JAM3: variants seen among roughly 807,000 people sequenced by gnomAD.
JAM3 encodes junctional adhesion molecule 3.
In JAM3, 31 loss-of-function variants were observed where a neutral mutation model predicts 39.4. The observed-to-expected ratio is 0.79, with a 90% CI of 0.59 to 1.06. JAM3 has a LOEUF of 1.06. JAM3 is among the 50% of genes least tolerant of loss of function. JAM3 has a pLI of 0.00. For synonymous variants in JAM3, 182 were observed against 148.7 expected (o/e 1.22, Z -1.63); for missense variants, 455 against 391.4 (o/e 1.16, Z -1.37).
At chr11:134,123,508 C>T (rs144625295) in intron 1 of JAM3, among the ~76,000 whole-genome samples, 1,532 of 152,228 alleles carry the variant, frequency 0.01, 21 homozygotes, top group African/African-American at 0.035. Flanking sequence ...CCTTAGAGAC[C>T]TATTTTGAAA....
At chr11:134,140,865 C>A (rs1942962058) in intron 3 of JAM3, 95 bp downstream of exon 3, 5 of 1,492,234 alleles carry the variant, frequency 3.4e-6, no homozygotes, top group Non-Finnish European at 4.5e-6. Flanking sequence ...GACTGGTAAC[C>A]TGCATCTGTA....
At chr11:134,135,695 T>G (rs1942852503) in intron 1 of JAM3, among the ~76,000 whole-genome samples, 1 of 151,986 alleles carries the variant, frequency 6.6e-6, no homozygotes, top group African/African-American at 2.4e-5. Flanking sequence ...GATGCCCGGC[T>G]AATAGATTTT....
chr11:134,106,344 A>T (rs1942185762), intron 1 of JAM3, among the ~76,000 whole-genome samples: 2 of 152,062 alleles, frequency 1.3e-5, no homozygotes, highest in African/African-American at 4.8e-5. Context: ...ACAAAAATTA[A>T]TTCAAGATGG....
intron 1 of JAM3, among the ~76,000 whole-genome samples, chr11:134,124,856 C>T (rs1204016588): frequency 2.0e-5 from 3 of 152,238 alleles, no homozygotes; most frequent in African/African-American, 7.2e-5. Context: ...TGCCCTCACA[C>T]TCAGAATCGC....
intron 1 of JAM3, among the ~76,000 whole-genome samples, chr11:134,118,963 A>G (rs1004136976): frequency 7.3e-5 from 10 of 137,060 alleles, no homozygotes; most frequent in Non-Finnish European, 1.2e-4. Context: ...TTTGTGCTCA[A>G]GAAATCTTTT....
At chr11:134,106,037 C>A (rs1942178943) in intron 1 of JAM3, among the ~76,000 whole-genome samples, 1 of 152,146 alleles carries the variant, frequency 6.6e-6, no homozygotes, top group South Asian at 2.1e-4. Context: ...GCCCACATTG[C>A]CAAGTCAATA....
intron 1 of JAM3, among the ~76,000 whole-genome samples, chr11:134,130,670 T>G (rs544070831): frequency 6.6e-6 from 1 of 152,310 alleles, no homozygotes; most frequent in East Asian, 1.9e-4. Context: ...TTTGTGGTAT[T>G]TTTACACACC....
At chr11:134,101,845 T>C (rs1303827868) in intron 1 of JAM3, among the ~76,000 whole-genome samples, 2 of 152,112 alleles carry the variant, frequency 1.3e-5, no homozygotes, top group African/African-American at 2.4e-5. Flanking sequence ...GGTGAGAGGA[T>C]TGCCTGAGGT....
intron 1 of JAM3, among the ~76,000 whole-genome samples, chr11:134,113,809 A>G (rs1157229623): frequency 1.3e-5 from 2 of 152,214 alleles, no homozygotes; most frequent in African/African-American, 2.4e-5. Context: ...AGTCCCACCA[A>G]CAGTGTAAAA....
intron 1 of JAM3, among the ~76,000 whole-genome samples, chr11:134,125,419 G>A (rs1300245860): frequency 2.0e-5 from 3 of 152,078 alleles, no homozygotes; most frequent in African/African-American, 7.2e-5. Flanking sequence ...TTTCCTTTTC[G>A]TACAGATCCT....
intron 1 of JAM3, among the ~76,000 whole-genome samples, chr11:134,088,583 G>A (rs1941785432): frequency 6.6e-6 from 1 of 152,042 alleles, no homozygotes; most frequent in Admixed American, 6.6e-5. Context: ...ATGACAAGAT[G>A]CATTTAAATT....
chr11:134,133,286 C>T (rs527792338), intron 1 of JAM3, among the ~76,000 whole-genome samples: 82 of 152,202 alleles, frequency 5.4e-4, no homozygotes, highest in African/African-American at 1.8e-3. Flanking sequence ...CCTTTTTTGT[C>T]CTTTTCTTGA....
intron 1 of JAM3, among the ~76,000 whole-genome samples, chr11:134,106,415 A>G (rs1942188183): frequency 6.6e-6 from 1 of 152,174 alleles, no homozygotes; most frequent in African/African-American, 2.4e-5. Context: ...CCTAGGCAAT[A>G]CCATTCAGGA....
intron 4 of JAM3, among the ~76,000 whole-genome samples, 157 bp from the exon 5 acceptor site, chr11:134,144,635 C>T (rs1426846363): frequency 6.6e-6 from 1 of 152,132 alleles, no homozygotes; most frequent in African/African-American, 2.4e-5. Flanking sequence ...CAGGATGCAG[C>T]GGTGGCTTGT....
At chr11:134,088,291 A>G (rs1050616594) in intron 1 of JAM3, among the ~76,000 whole-genome samples, 1 of 152,212 alleles carries the variant, frequency 6.6e-6, no homozygotes, top group African/African-American at 2.4e-5. Context: ...ATGATGTATT[A>G]CCCACTTGCT....
At chr11:134,148,462 A>G in intron 6 of JAM3, 85 bp from the exon 7 acceptor site, 1 of 1,592,160 alleles carries the variant, frequency 6.3e-7, no homozygotes, top group East Asian at 2.2e-5. Flanking sequence ...GTTTGGGGTG[A>G]AGGAAGGAGG....
At chr11:134,075,682 C>T (rs1038493152) in intron 1 of JAM3, among the ~76,000 whole-genome samples, 1 of 152,172 alleles carries the variant, frequency 6.6e-6, no homozygotes, top group Non-Finnish European at 1.5e-5. Flanking sequence ...CTGCCTTAGC[C>T]TCCCAAAGTG....
At chr11:134,140,547 T>C in intron 2 of JAM3, 110 bp from the exon 3 acceptor site, 1 of 889,566 alleles carries the variant, frequency 1.1e-6, no homozygotes, top group Non-Finnish European at 1.9e-6. Context: ...TGGCTACGTT[T>C]TTAATCTGCA....
At chr11:134,138,907 C>T (rs947146096) in intron 1 of JAM3, among the ~76,000 whole-genome samples, 29 of 152,276 alleles carry the variant, frequency 1.9e-4, no homozygotes, top group African/African-American at 6.7e-4. Context: ...CTGTGTGAGG[C>T]TGCCCAATAT....
Sources: allele counts gnomAD v4.1 joint callset (sites outside exome capture counted in the v4.1 genomes callset), GRCh38; gene constraint gnomAD v4.1.1; transcripts MANE v1.5; gene names NCBI Gene and HGNC (gene_info 2026-07-23, HGNC 2026-07-21).